Variants in ZC3H12B observed in about 807,000 individuals in gnomAD.
ZC3H12B encodes probable ribonuclease ZC3H12B.
Under a neutral mutation model 43.9 loss-of-function variants are expected in ZC3H12B, and 7 were observed. That is an observed-to-expected ratio of 0.16 (90% CI 0.09 to 0.30). The LOEUF (loss-of-function observed/expected upper bound fraction) is 0.30. Ranked by LOEUF, ZC3H12B falls within the 10% of genes least tolerant of loss-of-function variation. The pLI, the probability that ZC3H12B is intolerant of heterozygous loss-of-function variation, is 1.00. For synonymous variants in ZC3H12B, 222 were observed against 241.7 expected, an observed-to-expected ratio of 0.92 and a Z score of 0.76; for missense variants, 475 against 670.2, an observed-to-expected ratio of 0.71 and a Z score of 3.22.
chrX:65,133,657 G>C, the ZC3H12B span, among the ~76,000 whole-genome samples: 1 of 110,949 alleles, frequency 9.0e-6, no homozygotes, highest in Non-Finnish European at 1.9e-5. Context: ...GGTGATAAAA[G>C]GATTATAGGG....
At chrX:65,088,250 A>G in the ZC3H12B span, among the ~76,000 whole-genome samples, 68 of 111,765 alleles carry the variant, frequency 6.1e-4, no homozygotes, top group Non-Finnish European at 1.2e-3. Flanking sequence ...AAAGGGAGAT[A>G]AGACTGCCCT....
intron 3 of ZC3H12B, chrX:65,469,171 A>G (rs2067870840): frequency 1.3e-5 from 2 of 159,879 alleles, no homozygotes; most frequent in Admixed American, 7.8e-5. Context: ...TTAGGCTTCT[A>G]GCAGACCACC....
chrX:65,162,840 G>A, the ZC3H12B span, among the ~76,000 whole-genome samples: 15 of 112,145 alleles, frequency 1.3e-4, no homozygotes, highest in Admixed American at 2.8e-4. Context: ...GAGAAGAGAC[G>A]CTCTTCTTTT....
At chrX:65,283,825 G>T in the ZC3H12B span, among the ~76,000 whole-genome samples, 1 of 112,068 alleles carries the variant, frequency 8.9e-6, no homozygotes, top group Admixed American at 9.5e-5. Context: ...TTGCTACTAG[G>T]ATGGGGAGCA....
At chrX:65,060,845 GTTC>G in the ZC3H12B span, among the ~76,000 whole-genome samples, 54 of 111,642 alleles carry the variant, frequency 4.8e-4, no homozygotes, top group African/African-American at 1.7e-3. Context: ...TTGGTTATTT[GTTC>G]TTCTTTCAAT....
At chrX:65,280,920 G>T in the ZC3H12B span, among the ~76,000 whole-genome samples, 2 of 112,036 alleles carry the variant, frequency 1.8e-5, no homozygotes, top group African/African-American at 6.5e-5. Flanking sequence ...TATGCTCATG[G>T]ATCTGGAAGA....
rs2068250564 is a variant in ZC3H12B at position 65,494,558 on chromosome X, G to A, written c.609-2574G>A. 3.6e-5 allele frequency among the ~76,000 whole-genome samples: 4 copies of A among 110,765 alleles called. No homozygotes were observed. The Admixed American group carries it at 3.9e-4, about 11-fold the overall frequency. ...GGCACTTTAGGAGGCTGACGCTGGC[G>A]GATCACAAGTTCAGGAGTTCAAGAC... is the stretch of plus-strand genomic sequence containing the variant. On this transcript the variant is annotated intron_variant, in intron 1 of 4. Transcript: ENST00000338957.
upstream of ZC3H12B, among the ~76,000 whole-genome samples, chrX:65,487,396 C>T (rs1162940182): frequency 9.0e-6 from 1 of 111,377 alleles, no homozygotes; most frequent in African/African-American, 3.3e-5. Flanking sequence ...CAGAATTAGC[C>T]GGGCATGGTG....
At chrX:65,346,010 GA>G in the ZC3H12B span, among the ~76,000 whole-genome samples, 3 of 110,244 alleles carry the variant, frequency 2.7e-5, no homozygotes, top group African/African-American at 9.9e-5. Flanking sequence ...TCATGGACTG[GA>G]AAAAAAATCA....
chrX:65,446,373 C>A (rs1395062321), intron 3 of ZC3H12B, among the ~76,000 whole-genome samples: 1 of 111,931 alleles, frequency 8.9e-6, no homozygotes, highest in Non-Finnish European at 1.9e-5. Flanking sequence ...GGGTCACATG[C>A]ATCCAAAATC....
chrX:65,081,584 C>T, the ZC3H12B span, among the ~76,000 whole-genome samples: 1 of 111,652 alleles, frequency 9.0e-6, no homozygotes, highest in Non-Finnish European at 1.9e-5. Context: ...GATGATGTAA[C>T]AATTTAAAGT....
At chrX:65,415,703 G>T (rs1022321981) in intron 3 of ZC3H12B, among the ~76,000 whole-genome samples, 11 of 111,693 alleles carry the variant, frequency 9.8e-5, no homozygotes, top group Non-Finnish European at 1.7e-4. Context: ...CCATTCAGTT[G>T]GTTGAGGGGC....
the ZC3H12B span, among the ~76,000 whole-genome samples, chrX:65,043,906 G>C: frequency 1.8e-5 from 2 of 111,829 alleles, no homozygotes; most frequent in African/African-American, 6.5e-5. Flanking sequence ...AATCAAATCA[G>C]TTTTTTCCTT....
chrX:65,117,859 ATCAGATGGT>A, the ZC3H12B span, among the ~76,000 whole-genome samples: 2 of 111,757 alleles, frequency 1.8e-5, no homozygotes, highest in African/African-American at 6.5e-5. Flanking sequence ...TTTGTCAAAG[ATCAGATGGT>A]TCTAGATGTA....
At chrX:65,478,657 C>T (rs1286925325) in intron 3 of ZC3H12B, among the ~76,000 whole-genome samples, 1 of 112,432 alleles carries the variant, frequency 8.9e-6, no homozygotes, top group Non-Finnish European at 1.9e-5. Flanking sequence ...GTCTTCCTCC[C>T]TTTGCCAAGA....
chrX:65,135,606 T>A, the ZC3H12B span, among the ~76,000 whole-genome samples: 1 of 110,241 alleles, frequency 9.1e-6, no homozygotes, highest in East Asian at 2.8e-4. Flanking sequence ...AAATTTGGGA[T>A]GTTTACAGCC....
chrX:65,472,468 G>T (rs2067930514), intron 3 of ZC3H12B, among the ~76,000 whole-genome samples: 1 of 108,581 alleles, frequency 9.2e-6, no homozygotes, highest in African/African-American at 3.4e-5. Flanking sequence ...TTTGTTGCCT[G>T]TGCCTCTGGG....
intron 2 of ZC3H12B, among the ~76,000 whole-genome samples, chrX:65,373,161 A>G (rs1271528943): frequency 1.8e-5 from 2 of 112,479 alleles, no homozygotes; most frequent in Non-Finnish European, 3.8e-5. Flanking sequence ...GAGATAGCAT[A>G]TGTAAAACCA....
chrX:65,244,977 AT>A, the ZC3H12B span, among the ~76,000 whole-genome samples: 1 of 110,742 alleles, frequency 9.0e-6, no homozygotes, highest in Admixed American at 9.7e-5. Flanking sequence ...TCTCTTTCCT[AT>A]TGGTTACAGT....
Sources: gnomAD v4.1 joint callset for allele counts (sites outside exome capture counted in the v4.1 genomes callset) on GRCh38, gnomAD v4.1.1 for gene constraint, MANE v1.5 for transcripts, NCBI Gene and HGNC (gene_info 2026-07-23, HGNC 2026-07-21) for gene names.